Variants in COL21A1 observed in about 807,000 individuals in gnomAD.
The protein encoded by COL21A1 is collagen type XXI alpha 1 chain.
Under a neutral mutation model 137.9 loss-of-function variants are expected in COL21A1, and 149 were observed. The observed-to-expected ratio is 1.08, with a 90% CI of 0.95 to 1.24. The LOEUF (loss-of-function observed/expected upper bound fraction) is 1.24, where lower values mean the gene tolerates loss of function less well. COL21A1 is among the 50% of genes most tolerant of loss of function. COL21A1 has a pLI of 0.00. For synonymous variants in COL21A1, 456 were observed against 391.5 expected (o/e 1.16, Z -1.95); for missense variants, 1,167 against 1,158.4 (o/e 1.01, Z -0.11).
chr6:56,060,146 G>A lies in COL21A1; in HGVS notation c.2480C>T (p.Pro827Leu), dbSNP rs369298003. The change falls in exon 28 of 30, where the codon CCG (proline) becomes CTG (leucine). Residue 827 changes from proline (P) to leucine (L), a missense_variant. Coordinates refer to ENST00000244728, the MANE Select transcript of COL21A1 (RefSeq NM_030820.4). ...CDHCLSQHGS[P>L]GIPGPPGPIG... ...CGGACCAGGTGGCCCAGGAATACCC[G>A]GGGAGCCATGTTGGGACAGGCAATG... 25 of 1,611,162 alleles carry A rather than the reference G, an allele frequency of 1.6e-5. No individual in the cohort carries two copies. Among genetic ancestry groups the A allele is most frequent in the East Asian group, 4.5e-5 (2 of 44,552 alleles).
chr6:56,243,200 A>G (rs933177050), intron 1 of COL21A1, among the ~76,000 whole-genome samples: 2 of 152,152 alleles, frequency 1.3e-5, no homozygotes, highest in African/African-American at 2.4e-5. Context: ...TGACATGATT[A>G]CTTTACTCTT....
chr6:56,305,069 C>T (rs1057169307), intron 1 of COL21A1, among the ~76,000 whole-genome samples: 7 of 152,206 alleles, frequency 4.6e-5, no homozygotes, highest in Admixed American at 2.6e-4. Flanking sequence ...ATCCTGAGTT[C>T]TAATTTGATT....
intron 1 of COL21A1, among the ~76,000 whole-genome samples, chr6:56,338,389 T>G (rs2152344733): frequency 6.6e-6 from 1 of 152,296 alleles, no homozygotes; most frequent in South Asian, 2.1e-4. Context: ...CCCAGAGCAC[T>G]GGAGCTTCCT....
At chr6:56,269,636 CA>C (rs2152332179) in intron 1 of COL21A1, among the ~76,000 whole-genome samples, 1 of 114,218 alleles carries the variant, frequency 8.8e-6, no homozygotes, top group South Asian at 3.0e-4. Context: ...GCCTGGGCGA[CA>C]GAGCGAGACT....
chr6:56,078,866 C>T (rs754865519), intron 17 of COL21A1, among the ~76,000 whole-genome samples: 3 of 150,818 alleles, frequency 2.0e-5, no homozygotes, highest in Non-Finnish European at 4.4e-5. Context: ...CCTTTATAAA[C>T]GTAAGTAGAG....
In COL21A1 at chr6:56,057,861, G is replaced by A. The variant is rs913339853; in HGVS notation, c.2687-17C>T. ...CCTCTGGACCTAAGATGGGACATTG[G>A]CAAGACGTAAACAGAGGACTTTAGT... On this transcript the variant is annotated splice_polypyrimidine_tract_variant and intron_variant, in intron 29 of 29. Transcript: ENST00000244728. 7.3e-6 allele frequency: 11 copies of A among 1,508,554 alleles called. No homozygotes were observed. The highest frequency in any genetic ancestry group is 4.4e-6 in the Non-Finnish European group (5 of 1,134,650). The allele number at this position is 1,508,554 out of a possible 1,614,324, so 93.4% of individuals were successfully genotyped here.
chr6:56,267,420 GCC>G (rs1280434292), intron 1 of COL21A1, among the ~76,000 whole-genome samples: 1 of 152,128 alleles, frequency 6.6e-6, no homozygotes, highest in African/African-American at 2.4e-5. Context: ...AGTTAAGTAA[GCC>G]CCAAGATGGA....
intron 1 of COL21A1, among the ~76,000 whole-genome samples, chr6:56,323,624 G>A (rs6935262): frequency 0.17 from 25,189 of 151,986 alleles, 2,849 homozygotes; most frequent in African/African-American, 0.32. Context: ...TTCTGAACTC[G>A]TGATCCACCC....
chr6:56,207,002 A>C (rs981288307), intron 1 of COL21A1, among the ~76,000 whole-genome samples: 1 of 152,062 alleles, frequency 6.6e-6, no homozygotes, highest in Non-Finnish European at 1.5e-5. Flanking sequence ...GACAACAAAG[A>C]CAAAACATAC....
At chr6:56,177,588 TA>T (rs1777582456) in intron 3 of COL21A1, among the ~76,000 whole-genome samples, 1 of 151,776 alleles carries the variant, frequency 6.6e-6, no homozygotes. Flanking sequence ...GGTCAGGAGA[TA>T]GAGATTCATC....
intron 1 of COL21A1, among the ~76,000 whole-genome samples, chr6:56,259,680 C>T (rs762184425): frequency 6.6e-6 from 1 of 152,184 alleles, no homozygotes; most frequent in Non-Finnish European, 1.5e-5. Flanking sequence ...CAGTATCTTT[C>T]AAATGTCCTA....
intron 1 of COL21A1, among the ~76,000 whole-genome samples, chr6:56,237,755 A>T (rs1275117880): frequency 6.6e-6 from 1 of 152,186 alleles, no homozygotes; most frequent in Non-Finnish European, 1.5e-5. Flanking sequence ...AAACACACAT[A>T]CATAAATGGC....
At chr6:56,145,899 G>A (rs990370712) in intron 10 of COL21A1, among the ~76,000 whole-genome samples, 2 of 151,244 alleles carry the variant, frequency 1.3e-5, no homozygotes, top group Non-Finnish European at 2.9e-5. Flanking sequence ...CTGCCAAATT[G>A]TAGGGTTGAA....
At chr6:56,372,475 G>A (rs1488745667) in intron 1 of COL21A1, among the ~76,000 whole-genome samples, 1 of 152,088 alleles carries the variant, frequency 6.6e-6, no homozygotes, top group Non-Finnish European at 1.5e-5. Flanking sequence ...GTATTGGCAG[G>A]GAGAACTCTG....
At chr6:56,375,305 TCTAA>T (rs1201498300) in intron 1 of COL21A1, among the ~76,000 whole-genome samples, 6 of 152,154 alleles carry the variant, frequency 3.9e-5, no homozygotes, top group Non-Finnish European at 8.8e-5. Context: ...CACCCAGCTC[TCTAA>T]CTGAGGAGGC....
intron 7 of COL21A1, among the ~76,000 whole-genome samples, chr6:56,165,917 C>CACACACACAT (rs1554149589): frequency 6.8e-6 from 1 of 146,444 alleles, no homozygotes; most frequent in African/African-American, 2.6e-5. Context: ...TACACACACA[C>CACACACACAT]ACACACACAC....
chr6:56,370,491 A>G (rs1766214116), intron 1 of COL21A1, among the ~76,000 whole-genome samples: 1 of 152,244 alleles, frequency 6.6e-6, no homozygotes, highest in Non-Finnish European at 1.5e-5. Context: ...GGCACTGCAC[A>G]TGATTAACAC....
intron 1 of COL21A1, among the ~76,000 whole-genome samples, chr6:56,243,855 C>T (rs1276560261): frequency 6.6e-6 from 1 of 152,176 alleles, no homozygotes; most frequent in Non-Finnish European, 1.5e-5. Context: ...GGAATTTAGA[C>T]TCATGGTTCA....
At chr6:56,270,413 C>T (rs946791616) in intron 1 of COL21A1, among the ~76,000 whole-genome samples, 64 of 152,148 alleles carry the variant, frequency 4.2e-4, no homozygotes, top group Admixed American at 4.2e-3. Flanking sequence ...CCCAGATTCA[C>T]AAAACAAGTT....
Sources: gnomAD v4.1 joint callset for allele counts (sites outside exome capture counted in the v4.1 genomes callset) on GRCh38, gnomAD v4.1.1 for gene constraint, MANE v1.5 for transcripts, NCBI Gene and HGNC (gene_info 2026-07-23, HGNC 2026-07-21) for gene names.